The following FAM227A variants were observed in gnomAD, a reference collection of about 807,000 sequenced individuals.
The protein encoded by FAM227A is protein FAM227A.
A neutral mutation model predicts 74.7 loss-of-function variants in FAM227A; 80 were observed. The observed-to-expected ratio is 1.07, with a 90% confidence interval of 0.89 to 1.29. The LOEUF (loss-of-function observed/expected upper bound fraction) is 1.29, where lower values mean the gene tolerates loss of function less well. FAM227A is among the 50% of genes most tolerant of loss of function. The probability of loss-of-function intolerance (pLI) is 0.00; values close to 1 mark genes in which losing one functional copy is unlikely to be tolerated. For missense variants in FAM227A, 654 were observed against 683.4 expected, an observed-to-expected ratio of 0.96 and a Z score of 0.48; for synonymous variants, 237 against 241.8, an observed-to-expected ratio of 0.98 and a Z score of 0.19.
chr22:38,602,420 G>T (rs1856718704), intron 13 of FAM227A, among the ~76,000 whole-genome samples: 1 of 152,058 alleles, frequency 6.6e-6, no homozygotes, highest in African/African-American at 2.4e-5. Context: ...TGGAATCACA[G>T]AAACCTGGAG....
At chr22:38,596,882 G>C (rs1332950158) in intron 15 of FAM227A, among the ~76,000 whole-genome samples, 1 of 151,996 alleles carries the variant, frequency 6.6e-6, no homozygotes, top group Non-Finnish European at 1.5e-5. Flanking sequence ...ACGGATATAT[G>C]GGCCCAGAAA....
At position 38,626,231 on chromosome 22, in the gene FAM227A, T is replaced by C. The variant is rs1164284849; in HGVS notation, c.799A>G (p.Thr267Ala). ...CCCFPQSWFD[T>A]HEFKSDICNT... ...CAGATGTCAGACTTGAATTCGTGCG[T>C]GTCGAACCAGGACTGTGGAAAGCAG... is the stretch of plus-strand genomic sequence containing the variant. The change falls in exon 9 of 17, where the codon ACG (threonine) becomes GCG (alanine). Residue 267 changes from threonine to alanine, a missense_variant. Coordinates refer to ENST00000535113, the MANE Select transcript of FAM227A (RefSeq NM_001013647.2). 2 of 1,551,704 alleles carry C rather than the reference T, an allele frequency of 1.3e-6. No individual in the cohort carries two copies. The highest frequency in any genetic ancestry group is 2.0e-5 in the Admixed American group (1 of 51,004).
intron 9 of FAM227A, 97 bp from the exon 10 acceptor site, chr22:38,623,376 G>A (rs943666833): frequency 1.3e-6 from 1 of 755,088 alleles, no homozygotes. Context: ...GATTGCTTGA[G>A]CCCAGGAGAC....
chr22:38,652,280 G>A (rs1008158424), intron 1 of FAM227A, among the ~76,000 whole-genome samples: 2 of 151,638 alleles, frequency 1.3e-5, no homozygotes, highest in Non-Finnish European at 2.9e-5. Context: ...TAATATATTT[G>A]AGCATATAAA....
intron 11 of FAM227A, among the ~76,000 whole-genome samples, chr22:38,608,478 T>A (rs2091338017): frequency 6.6e-6 from 1 of 152,076 alleles, no homozygotes; most frequent in South Asian, 2.1e-4. Flanking sequence ...TTGCCTAGGC[T>A]GGAGTGCAAT....
At chr22:38,615,683 AG>A (rs1387285529) in intron 11 of FAM227A, among the ~76,000 whole-genome samples, 1 of 152,228 alleles carries the variant, frequency 6.6e-6, no homozygotes, top group East Asian at 1.9e-4. Context: ...CGGCACTGCA[AG>A]TCAGGTGAGC....
At chr22:38,643,174 G>C (rs184250332) in intron 3 of FAM227A, among the ~76,000 whole-genome samples, 75 of 151,986 alleles carry the variant, frequency 4.9e-4, no homozygotes, top group Non-Finnish European at 9.1e-4. Context: ...AAATGAGACG[G>C]GAGTGGTGGT....
chr22:38,643,229 T>A (rs1222329039), intron 3 of FAM227A, among the ~76,000 whole-genome samples: 2 of 150,984 alleles, frequency 1.3e-5, no homozygotes, highest in African/African-American at 4.9e-5. Flanking sequence ...GGCAGGAGAA[T>A]CACTTGAACC....
rs1602809070 is a variant in FAM227A at position 38,583,162 on chromosome 22, AAGACT to A, written c.*2958_*2962del. On this transcript the variant is annotated 3_prime_UTR_variant, in exon 17 of 17. Transcript: ENST00000535113. ...AGGTGCTCACACGTTCTGGTTTCAG[AAGACT>A]ATACTTTTTTTTTTTTTTTTTTGAG... 1.0e-5 allele frequency: 5 copies of A among 500,384 alleles called. No homozygotes were observed. In the East Asian group the frequency reaches 1.4e-4, roughly 14 times the overall value. 31.0% of individuals were successfully genotyped at this position (500,384 alleles called of 1,614,324 possible). A position where few individuals can be genotyped will look rare whatever the true frequency, so the allele number is the denominator to read the frequency against.
intron 1 of FAM227A, among the ~76,000 whole-genome samples, chr22:38,650,995 A>G: frequency 6.6e-6 from 1 of 152,170 alleles, no homozygotes; most frequent in East Asian, 1.9e-4. Context: ...ACATGAACTC[A>G]AATGCCCTTT....
At chr22:38,607,290 A>C in intron 12 of FAM227A, 99 bp downstream of exon 12, 1 of 791,374 alleles carries the variant, frequency 1.3e-6, no homozygotes, top group South Asian at 1.7e-5. Context: ...AGTATAAAGT[A>C]GGTCAGCAAA....
At chr22:38,610,574 C>T (rs971965680) in intron 11 of FAM227A, among the ~76,000 whole-genome samples, 1 of 152,120 alleles carries the variant, frequency 6.6e-6, no homozygotes, top group Non-Finnish European at 1.5e-5. Flanking sequence ...GTAATAATGA[C>T]CCACCTTGCA....
At chr22:38,598,370 A>C (rs1399389069) in intron 14 of FAM227A, among the ~76,000 whole-genome samples, 1 of 152,232 alleles carries the variant, frequency 6.6e-6, no homozygotes, top group Admixed American at 6.5e-5. Flanking sequence ...AGCTGTGCAC[A>C]TAAGATCTCA....
At chr22:38,607,360 T>C in intron 12 of FAM227A, 29 bp downstream of exon 12, 1 of 1,491,410 alleles carries the variant, frequency 6.7e-7, no homozygotes, top group South Asian at 1.2e-5. Context: ...GCCAAAAGCC[T>C]ACATTTCCCT....
chr22:38,655,700 C>A (rs5757211), intron 1 of FAM227A, among the ~76,000 whole-genome samples: 1 of 151,988 alleles, frequency 6.6e-6, no homozygotes, highest in South Asian at 2.1e-4. Context: ...ACATATGTGG[C>A]CTGCTTTATG....
chr22:38,608,855 G>A (rs2091348904), intron 11 of FAM227A, among the ~76,000 whole-genome samples: 1 of 144,862 alleles, frequency 6.9e-6, no homozygotes, highest in South Asian at 2.2e-4. Flanking sequence ...GAGTACAATG[G>A]CGTGATCTTG....
At chr22:38,594,163 C>G (rs925480881) in intron 15 of FAM227A, among the ~76,000 whole-genome samples, 4 of 152,208 alleles carry the variant, frequency 2.6e-5, no homozygotes, top group African/African-American at 9.6e-5. Flanking sequence ...AGACTGCCCT[C>G]TACCAAGTCG....
intron 11 of FAM227A, among the ~76,000 whole-genome samples, chr22:38,619,416 C>T (rs902686713): frequency 9.9e-5 from 15 of 152,088 alleles, no homozygotes; most frequent in African/African-American, 1.9e-4. Context: ...CTCTGCCTCC[C>T]GGGTTCAAGC....
intron 6 of FAM227A, 37 bp from the exon 7 acceptor site, chr22:38,628,972 T>A (rs1309403042): frequency 8.0e-7 from 1 of 1,243,832 alleles, no homozygotes; most frequent in Admixed American, 2.6e-5. Context: ...TTATTGTTGT[T>A]ATCTTTTTAA....
Sources: allele counts gnomAD v4.1 joint callset (sites outside exome capture counted in the v4.1 genomes callset), GRCh38; gene constraint gnomAD v4.1.1; transcripts MANE v1.5; gene names NCBI Gene and HGNC (gene_info 2026-07-23, HGNC 2026-07-21).